The following ATP11B variants were observed in gnomAD, a reference collection of about 807,000 sequenced individuals.
ATP11B encodes ATPase phospholipid transporting 11B (putative), also known as phospholipid-transporting ATPase IF.
In ATP11B, 81 loss-of-function variants were observed where a neutral mutation model predicts 157.8. The observed-to-expected ratio is 0.51, with a 90% CI of 0.43 to 0.62. The LOEUF (loss-of-function observed/expected upper bound fraction) is 0.62. ATP11B is among the 20% of genes least tolerant of loss of function. The pLI is 0.00. For missense variants in ATP11B, 1,165 were observed against 1,402.2 expected (o/e 0.83, Z 2.70); for synonymous variants, 451 against 469.4 (o/e 0.96, Z 0.51).
chr3:182,891,846 G>A lies in ATP11B; in HGVS notation c.2982+2298G>A, dbSNP rs74949613. 5.2e-3 allele frequency among the ~76,000 whole-genome samples: 789 copies of A among 152,214 alleles called. 11 individuals are homozygous for A. The highest frequency in any genetic ancestry group is 0.018 in the African/African-American group (759 of 41,524). On this transcript the variant is annotated intron_variant, in intron 25 of 29. Coordinates refer to ENST00000323116, the MANE Select transcript of ATP11B (RefSeq NM_014616.3). ...TCTGTAGTCATCGTTTGAGTGATTT[G>A]GGATGAGTTAACCTCTCTCAGACTC...
intron 25 of ATP11B, 59 bp downstream of exon 25, chr3:182,889,607 T>C: frequency 7.3e-7 from 1 of 1,361,152 alleles, no homozygotes; most frequent in Non-Finnish European, 9.9e-7. Flanking sequence ...TTTTTATAGC[T>C]TTTGTCATAA....
intron 15 of ATP11B, among the ~76,000 whole-genome samples, chr3:182,867,894 T>C (rs940283089): frequency 1.3e-5 from 2 of 152,146 alleles, no homozygotes; most frequent in Non-Finnish European, 2.9e-5. Context: ...TAAAGGGTTG[T>C]TTTAAAAAGA....
intron 19 of ATP11B, among the ~76,000 whole-genome samples, chr3:182,876,613 C>G (rs1722059979): frequency 6.6e-6 from 1 of 152,136 alleles, no homozygotes; most frequent in African/African-American, 2.4e-5. Flanking sequence ...GAGGGCTGCT[C>G]CCTGTTCCAA....
At chr3:182,848,277 A>G (rs900902984) in intron 9 of ATP11B, among the ~76,000 whole-genome samples, 199 bp from the exon 10 acceptor site, 17 of 152,156 alleles carry the variant, frequency 1.1e-4, no homozygotes, top group African/African-American at 4.1e-4. Context: ...GCCCTCCCCC[A>G]TTTAGCCAGT....
chr3:182,797,375 G>T (rs1205140937), intron 1 of ATP11B, among the ~76,000 whole-genome samples: 1 of 152,080 alleles, frequency 6.6e-6, no homozygotes, highest in Non-Finnish European at 1.5e-5. Flanking sequence ...TTATTCTTAC[G>T]TATAAAATAC....
At chr3:182,794,913 C>T (rs572577711) in intron 1 of ATP11B, among the ~76,000 whole-genome samples, 2 of 152,172 alleles carry the variant, frequency 1.3e-5, no homozygotes, top group South Asian at 2.1e-4. Context: ...TTTTGTGGGA[C>T]GAAAGCACTG....
chr3:182,858,842 T>C (rs529065686), intron 11 of ATP11B, among the ~76,000 whole-genome samples: 1 of 152,288 alleles, frequency 6.6e-6, no homozygotes, highest in South Asian at 2.1e-4. Context: ...ACTGCAGATA[T>C]TATAATTATA....
At chr3:182,865,201 A>G (rs1215687476) in intron 12 of ATP11B, among the ~76,000 whole-genome samples, 4 of 152,220 alleles carry the variant, frequency 2.6e-5, no homozygotes, top group Admixed American at 6.5e-5. Flanking sequence ...CGTCAATTCT[A>G]CAGATAAACA....
At position 182,879,492 on chromosome 3, in the gene ATP11B, T is replaced by C. The variant is rs372800322; in HGVS notation, c.2253-4T>C. The C allele has an allele frequency of 1.3e-6, 2 of 1,594,736 alleles. No individual in the cohort carries two copies. Among genetic ancestry groups the C allele is most frequent in the Admixed American group, 3.7e-5 (2 of 54,580 alleles). ...ACAGAGAATATAATTATTTTCTCTT[T>C]TAGAATTACAGAGGATCATGTGATT... is the stretch of plus-strand genomic sequence containing the variant. On this transcript the variant is annotated splice_region_variant and splice_polypyrimidine_tract_variant and intron_variant, in intron 19 of 29. Transcript: ENST00000323116.
intron 21 of ATP11B, 93 bp from the exon 22 acceptor site, chr3:182,884,660 A>G (rs368202906): frequency 7.9e-7 from 1 of 1,266,702 alleles, no homozygotes; most frequent in Non-Finnish European, 1.1e-6. Context: ...TCCTAAGTGC[A>G]TGTTCAACTA....
At position 182,869,120 on chromosome 3, in the gene ATP11B, G is replaced by A; in HGVS notation, c.1731G>A (p.Arg577=). 6.2e-7 allele frequency: 1 copy of A among 1,611,564 alleles called. No homozygotes were observed. ...TTCTGGAATTTGATTCAGATCGTAG[G>A]AGAATGAGTGTAATTGTTCAGGCAC... The part of the protein sequence containing the change: ...LHILEFDSDR[R]RMSVIVQAPS... The change falls in exon 16 of 30, where the codon AGG becomes AGA. Residue 577 remains arginine (R), a synonymous_variant. Coordinates refer to ENST00000323116, the MANE Select transcript of ATP11B (RefSeq NM_014616.3).
chr3:182,839,706 G>A (rs1277639724), intron 7 of ATP11B, among the ~76,000 whole-genome samples: 1 of 151,914 alleles, frequency 6.6e-6, no homozygotes, highest in Non-Finnish European at 1.5e-5. Flanking sequence ...GGACTCCCGG[G>A]TTCAAGCAAT....
intron 2 of ATP11B, among the ~76,000 whole-genome samples, chr3:182,823,348 C>T (rs1717494226): frequency 6.6e-6 from 1 of 152,118 alleles, no homozygotes; most frequent in Non-Finnish European, 1.5e-5. Context: ...GCCGGTTTTC[C>T]CAGCACCATT....
At chr3:182,874,090 C>T (rs1721860150) in intron 19 of ATP11B, 75 bp downstream of exon 19, 9 of 1,291,948 alleles carry the variant, frequency 7.0e-6, no homozygotes, top group Non-Finnish European at 8.6e-6. Context: ...ATGATATAGC[C>T]CACTGTCACT....
chr3:182,880,947 C>A lies in ATP11B; in HGVS notation c.2475C>A (p.Asp825Glu). The stretch of plus-strand genomic sequence containing the variant: ...TGGCTGTTGGTGATGGTGCTAATGA[C>A]GTAAGCATGATACAAGAAGCCCATG... Reference protein sequence around the residue: ...ITLAVGDGANDVSMIQEAHVG... With the variant: ...ITLAVGDGANEVSMIQEAHVG... Residue 825 changes from aspartate (D) to glutamate (E), a missense_variant, in exon 21 of 30, where the codon GAC becomes GAA. Asp to Glu is a conservative substitution (Grantham distance 45, BLOSUM62 2). Coordinates refer to ENST00000323116, the MANE Select transcript of ATP11B (RefSeq NM_014616.3). 6.3e-7 allele frequency: 1 copy of A among 1,597,316 alleles called. No homozygotes were observed. Among genetic ancestry groups the A allele is most frequent in the Non-Finnish European group, 8.5e-7 (1 of 1,172,986 alleles).
chr3:182,870,939 A>C lies in ATP11B; in HGVS notation c.1867-1417A>C, dbSNP rs1039524663. ...CAAGTCTCCGTCTGAAAAAAAAAAA[A>C]AAAAAGAAATCTGCTAAATAATGTT... On this transcript the variant is annotated intron_variant, in intron 17 of 29. Coordinates refer to ENST00000323116, the MANE Select transcript of ATP11B (RefSeq NM_014616.3). 2.6e-5 allele frequency among the ~76,000 whole-genome samples: 4 copies of C among 151,468 alleles called. No individual in the cohort carries two copies. In the East Asian group the frequency reaches 7.8e-4, roughly 29 times the overall value.
At chr3:182,915,839 A>G in intron 29 of ATP11B, 13 of 974,182 alleles carry the variant, frequency 1.3e-5, no homozygotes, top group Non-Finnish European at 1.6e-5. Context: ...CTTTTCACTT[A>G]AAATTGCGCC....
chr3:182,881,048 T>A, intron 21 of ATP11B, 67 bp downstream of exon 21: 2 of 1,241,202 alleles, frequency 1.6e-6, no homozygotes, highest in East Asian at 2.4e-5. Context: ...TGGTGGTTTT[T>A]AATTTTCTTT....
chr3:182,801,961 C>T (rs1263517115), intron 1 of ATP11B, among the ~76,000 whole-genome samples: 1 of 152,058 alleles, frequency 6.6e-6, no homozygotes, highest in Non-Finnish European at 1.5e-5. Context: ...TCTATGGATA[C>T]CTCTGTGGGG....
Sources: allele counts gnomAD v4.1 joint callset (sites outside exome capture counted in the v4.1 genomes callset), GRCh38; gene constraint gnomAD v4.1.1; transcripts MANE v1.5; gene names NCBI Gene and HGNC (gene_info 2026-07-23, HGNC 2026-07-21).